The following EDIL3 variants were observed in gnomAD, a reference collection of about 807,000 sequenced individuals.
EDIL3 encodes the protein EGF like and discoidin domains 3.
Under a neutral mutation model 67.4 loss-of-function variants are expected in EDIL3, and 37 were observed. The ratio of observed to expected loss-of-function variants is 0.55; its 90% CI spans 0.42 to 0.72. EDIL3 has a LOEUF of 0.72. Ranked by LOEUF, EDIL3 falls within the 30% of genes least tolerant of loss-of-function variation. EDIL3 has a pLI of 0.00. For synonymous variants in EDIL3, 195 were observed against 196.3 expected, an observed-to-expected ratio of 0.99 and a Z score of 0.05; for missense variants, 527 against 586.3, an observed-to-expected ratio of 0.90 and a Z score of 1.04.
At chr5:84,105,675 C>T (rs1173783585) in intron 6 of EDIL3, among the ~76,000 whole-genome samples, 5 of 151,924 alleles carry the variant, frequency 3.3e-5, no homozygotes, top group South Asian at 4.2e-4. Context: ...GTATGACTCC[C>T]GAAGCACAGC....
chr5:84,333,989 T>C (rs1372087728), intron 1 of EDIL3, among the ~76,000 whole-genome samples: 1 of 151,634 alleles, frequency 6.6e-6, no homozygotes, highest in African/African-American at 2.4e-5. Flanking sequence ...TAGGTACCAG[T>C]AGCCAATGAA....
At chr5:84,268,491 T>C (rs778990046) in intron 1 of EDIL3, among the ~76,000 whole-genome samples, 3 of 152,170 alleles carry the variant, frequency 2.0e-5, no homozygotes, top group Admixed American at 6.5e-5. Flanking sequence ...GACATAGATA[T>C]CAATATATTT....
At chr5:84,352,890 C>G (rs1327656117) in intron 1 of EDIL3, among the ~76,000 whole-genome samples, 1 of 152,150 alleles carries the variant, frequency 6.6e-6, no homozygotes, top group Non-Finnish European at 1.5e-5. Context: ...TCCTCCCTCA[C>G]TTCTCACCAT....
chr5:84,153,552 TC>T (rs893429480), intron 4 of EDIL3, among the ~76,000 whole-genome samples: 1 of 151,776 alleles, frequency 6.6e-6, no homozygotes, highest in African/African-American at 2.4e-5. Context: ...ACTCCTGACC[TC>T]CCAGGTTCAA....
intron 1 of EDIL3, among the ~76,000 whole-genome samples, chr5:84,300,548 T>C (rs148711058): frequency 1.3e-5 from 2 of 152,244 alleles, no homozygotes; most frequent in South Asian, 4.1e-4. Context: ...CAACACTGGA[T>C]ATGTTATATT....
At chr5:84,275,867 T>G (rs980646745) in intron 1 of EDIL3, among the ~76,000 whole-genome samples, 2 of 152,248 alleles carry the variant, frequency 1.3e-5, no homozygotes, top group Non-Finnish European at 2.9e-5. Flanking sequence ...CAAAAGTAAT[T>G]GTTGAGCATC....
intron 4 of EDIL3, among the ~76,000 whole-genome samples, chr5:84,157,673 T>TA (rs1222641436): frequency 6.6e-6 from 1 of 152,044 alleles, no homozygotes. Context: ...CTAACAGTGT[T>TA]AAAGCTACCA....
At chr5:84,318,342 T>C (rs925671572) in intron 1 of EDIL3, among the ~76,000 whole-genome samples, 1 of 152,198 alleles carries the variant, frequency 6.6e-6, no homozygotes, top group African/African-American at 2.4e-5. Context: ...AGAGCCTGTA[T>C]AGCCAAGACA....
At chr5:84,057,971 T>C (rs1184604407) in intron 9 of EDIL3, among the ~76,000 whole-genome samples, 1 of 152,100 alleles carries the variant, frequency 6.6e-6, no homozygotes, top group African/African-American at 2.4e-5. Context: ...TTACAGACGA[T>C]GTAGTAGTAT....
At chr5:83,968,087 C>G (rs1019912453) in intron 9 of EDIL3, among the ~76,000 whole-genome samples, 1 of 152,072 alleles carries the variant, frequency 6.6e-6, no homozygotes, top group East Asian at 1.9e-4. Flanking sequence ...CTTAACATTA[C>G]ACAAAACAAT....
intron 1 of EDIL3, among the ~76,000 whole-genome samples, chr5:84,363,446 CAA>C (rs34829764): frequency 1.0e-3 from 79 of 76,570 alleles, no homozygotes; most frequent in African/African-American, 2.1e-3. Flanking sequence ...AAGACTCTGT[CAA>C]AAAAAAAAAA....
chr5:84,346,501 T>C lies in EDIL3; in HGVS notation c.67+37807A>G, dbSNP rs1747242714. ...TTTTGAACAACTGACCTTGTCAATTTAATTTTTATTATCATAATATTTTCT... is the reference window on the plus strand; with the variant it reads ...TTTTGAACAACTGACCTTGTCAATTCAATTTTTATTATCATAATATTTTCT... On this transcript the variant is annotated intron_variant, in intron 1 of 10. Coordinates refer to ENST00000296591, the MANE Select transcript of EDIL3 (RefSeq NM_005711.5). Among the ~76,000 whole-genome samples, 3 of 152,332 alleles carry C rather than the reference T, an allele frequency of 2.0e-5. 1 individual carries two copies. The South Asian group carries it at 6.2e-4, about 32-fold the overall frequency.
chr5:84,229,943 G>T, intron 2 of EDIL3, 59 bp from the exon 3 acceptor site: 1 of 1,409,356 alleles, frequency 7.1e-7, no homozygotes, highest in Non-Finnish European at 9.8e-7. Flanking sequence ...AGGGAGAAGG[G>T]GGGAGAGAGA....
intron 1 of EDIL3, among the ~76,000 whole-genome samples, chr5:84,255,169 A>G (rs553334626): frequency 2.6e-5 from 4 of 152,290 alleles, no homozygotes; most frequent in African/African-American, 7.2e-5. Context: ...AAGGACCAGG[A>G]CTTGTGTTAG....
intron 4 of EDIL3, among the ~76,000 whole-genome samples, chr5:84,141,946 T>TATAC (rs1303835679): frequency 2.6e-4 from 34 of 132,392 alleles, no homozygotes; most frequent in African/African-American, 7.6e-4. Flanking sequence ...TATATATATA[T>TATAC]ACATAGATCT....
In EDIL3 at chr5:84,174,332, A is replaced by G. The variant is rs1246893388; in HGVS notation, c.355+6061T>C. 2.0e-5 allele frequency among the ~76,000 whole-genome samples: 3 copies of G among 152,218 alleles called. No individual in the cohort carries two copies. In the East Asian group the frequency reaches 5.8e-4, roughly 29 times the overall value. ...GTGTCTGAGGACAGAGGCCATATGT[A>G]GAACTAACTATATATTGGACAAATA... On this transcript the variant is annotated intron_variant, in intron 4 of 10. Coordinates refer to ENST00000296591, the MANE Select transcript of EDIL3 (RefSeq NM_005711.5).
intron 1 of EDIL3, among the ~76,000 whole-genome samples, chr5:84,357,313 G>C (rs1200143107): frequency 6.6e-6 from 1 of 151,944 alleles, no homozygotes; most frequent in Non-Finnish European, 1.5e-5. Context: ...TGTACTACCT[G>C]TGGTCCATGT....
At chr5:84,041,584 CTATATATGTATAT>C (rs1561412242) in intron 9 of EDIL3, among the ~76,000 whole-genome samples, 2 of 146,212 alleles carry the variant, frequency 1.4e-5, no homozygotes. Flanking sequence ...TATGTATATA[CTATATATGTATAT>C]ATGTATATAC....
At position 84,384,324 on chromosome 5, in the gene EDIL3, G is replaced by A. The variant is rs758709287; in HGVS notation, c.51C>T (p.Val17=). The part of the protein sequence containing the change: ...VWLLVGLSLG[V]PQFGKGDICD... Reference sequence around the variant, plus strand: ...ACGCCTTACCTTTGCCGAACTGGGGGACACCGAGGCTGAGCCCGACCAAGA... The same window carrying A: ...ACGCCTTACCTTTGCCGAACTGGGGAACACCGAGGCTGAGCCCGACCAAGA... Residue 17 remains valine (V), a synonymous_variant, in exon 1 of 11, where the codon GTC becomes GTT. Coordinates refer to ENST00000296591, the MANE Select transcript of EDIL3 (RefSeq NM_005711.5). 2 of 1,611,014 alleles carry A rather than the reference G, an allele frequency of 1.2e-6. No individual in the cohort carries two copies. The highest frequency in any genetic ancestry group is 2.2e-5 in the East Asian group (1 of 44,488).
Sources: allele counts gnomAD v4.1 joint callset (sites outside exome capture counted in the v4.1 genomes callset), GRCh38; gene constraint gnomAD v4.1.1; transcripts MANE v1.5; gene names NCBI Gene and HGNC (gene_info 2026-07-23, HGNC 2026-07-21).